The following EPHA6 variants were observed in gnomAD, a reference collection of about 807,000 sequenced individuals.
EPHA6 encodes the protein ephrin type-A receptor 6.
In EPHA6, 50 loss-of-function variants were observed where a neutral mutation model predicts 112.0. The ratio of observed to expected loss-of-function variants is 0.45; its 90% CI spans 0.36 to 0.56. The LOEUF is 0.56. Among genes scored for constraint, EPHA6 ranks in the 20% least tolerant of loss-of-function variants. The pLI, the probability that EPHA6 is intolerant of heterozygous loss-of-function variation, is 0.00. For synonymous variants in EPHA6, 529 were observed against 490.7 expected (o/e 1.08, Z -1.03); for missense variants, 1,280 against 1,417.4 (o/e 0.90, Z 1.56).
intron 3 of EPHA6, among the ~76,000 whole-genome samples, chr3:97,043,974 C>T (rs1425693455): frequency 6.6e-6 from 1 of 152,172 alleles, no homozygotes. Context: ...GCAGGGCACT[C>T]ATGGTTCTTC....
chr3:96,840,274 G>C (rs1189273917), intron 1 of EPHA6, among the ~76,000 whole-genome samples: 1 of 152,056 alleles, frequency 6.6e-6, no homozygotes, highest in African/African-American at 2.4e-5. Flanking sequence ...TCTGCCTTTT[G>C]TTGGCAAAAT....
chr3:96,858,322 A>G (rs1318321752), intron 1 of EPHA6, among the ~76,000 whole-genome samples: 2 of 152,118 alleles, frequency 1.3e-5, no homozygotes, highest in Non-Finnish European at 2.9e-5. Flanking sequence ...TTTAGGGTAG[A>G]GCAACACCCA....
intron 2 of EPHA6, among the ~76,000 whole-genome samples, chr3:96,948,656 G>A (rs139742626): frequency 7.2e-4 from 110 of 152,158 alleles, no homozygotes; most frequent in African/African-American, 2.5e-3. Context: ...CTATCTTCAG[G>A]TATGCCTCCT....
At chr3:97,052,833 A>G (rs913697712) in intron 3 of EPHA6, among the ~76,000 whole-genome samples, 3 of 152,090 alleles carry the variant, frequency 2.0e-5, no homozygotes, top group African/African-American at 7.2e-5. Context: ...CAAGCCTTAA[A>G]CATCCCAAGC....
chr3:97,662,546 C>T (rs2094176838), intron 14 of EPHA6, among the ~76,000 whole-genome samples: 1 of 152,172 alleles, frequency 6.6e-6, no homozygotes, highest in Non-Finnish European at 1.5e-5. Context: ...CAGCTCAATT[C>T]ATCTCTGACA....
intron 3 of EPHA6, among the ~76,000 whole-genome samples, chr3:97,187,593 AAAAAG>A (rs2077175235): frequency 1.3e-5 from 2 of 151,146 alleles, no homozygotes; most frequent in Admixed American, 6.6e-5. Context: ...AAAAAAAAAA[AAAAAG>A]AAAAGAGAAA....
At chr3:96,937,758 T>G (rs1459017543) in intron 2 of EPHA6, among the ~76,000 whole-genome samples, 1 of 152,182 alleles carries the variant, frequency 6.6e-6, no homozygotes, top group East Asian at 1.9e-4. Flanking sequence ...ATTGAAGTCT[T>G]TAATCCATCT....
intron 5 of EPHA6, among the ~76,000 whole-genome samples, chr3:97,247,335 C>CT (rs1398445583): frequency 6.6e-6 from 1 of 151,768 alleles, no homozygotes; most frequent in Non-Finnish European, 1.5e-5. Context: ...GATAGTGAGC[C>CT]TTTATGTACC....
intron 3 of EPHA6, among the ~76,000 whole-genome samples, chr3:97,008,303 T>C (rs61061355): frequency 0.013 from 1,994 of 152,226 alleles, 46 homozygotes; most frequent in African/African-American, 0.044. Flanking sequence ...TTGTTCATTA[T>C]TTTTCATTCT....
At chr3:97,160,562 G>A (rs544950721) in intron 3 of EPHA6, among the ~76,000 whole-genome samples, 3 of 152,178 alleles carry the variant, frequency 2.0e-5, no homozygotes, top group African/African-American at 7.2e-5. Flanking sequence ...TTACAGGCAT[G>A]AGCCCCCACA....
chr3:97,568,539 C>T (rs1294478948), intron 11 of EPHA6, among the ~76,000 whole-genome samples: 1 of 152,224 alleles, frequency 6.6e-6, no homozygotes, highest in Admixed American at 6.5e-5. Context: ...CCATCTACAG[C>T]TCTCAGAGAG....
rs150030456 is a variant in EPHA6, at chr3:97,500,580, G to A, written c.2200+16521G>A. ...ACATAACCCAATCATTTTCCATCAG[G>A]CCCGGCCTACAACACTGGGGATTAT... On this transcript the variant is annotated intron_variant, in intron 10 of 17. Transcript: ENST00000389672. Among the ~76,000 whole-genome samples the A allele has an allele frequency of 6.5e-3, 994 of 152,140 alleles. 12 individuals are homozygous for A. Among genetic ancestry groups the A allele is most frequent in the African/African-American group, 0.022 (915 of 41,504 alleles).
chr3:96,850,865 A>G (rs1264246732), intron 1 of EPHA6, among the ~76,000 whole-genome samples: 1 of 152,134 alleles, frequency 6.6e-6, no homozygotes, highest in Non-Finnish European at 1.5e-5. Flanking sequence ...GATTTTTGTA[A>G]GTAAAAGTGG....
chr3:97,433,641 C>A (rs1396923006), intron 6 of EPHA6, among the ~76,000 whole-genome samples: 1 of 152,078 alleles, frequency 6.6e-6, no homozygotes, highest in Middle Eastern at 3.2e-3. Flanking sequence ...GGAGGAAAAC[C>A]CTTTTCCATG....
intron 13 of EPHA6, among the ~76,000 whole-genome samples, chr3:97,628,891 G>T (rs1031743407): frequency 6.6e-6 from 1 of 151,846 alleles, no homozygotes; most frequent in Non-Finnish European, 1.5e-5. Flanking sequence ...TTTATATTCA[G>T]CAGTGGAAAA....
Position 97,566,018 on chromosome 3 carries a change from CA to C in EPHA6, c.2387-26577del, listed in dbSNP as rs59606297. Among the ~76,000 whole-genome samples, 508 of 81,692 alleles carry C rather than the reference CA, an allele frequency of 6.2e-3. 2 individuals carry two copies. Among genetic ancestry groups the C allele is most frequent in the Middle Eastern group, 0.016 (2 of 124 alleles). The allele number at this position is 81,692 out of a possible 152,430, so 53.6% of individuals were successfully genotyped here. ...CCGGCAACAGAGCGAGACACCGTCT[CA>C]AAAAAAAAAAAAAAAAGGAAAGAGA... On this transcript the variant is annotated intron_variant, in intron 11 of 17. Transcript: ENST00000389672.
At chr3:97,347,923 C>T (rs889525984) in intron 5 of EPHA6, among the ~76,000 whole-genome samples, 13 of 152,004 alleles carry the variant, frequency 8.6e-5, no homozygotes, top group African/African-American at 1.7e-4. Flanking sequence ...AGGTCACAAA[C>T]ATCTAGAGTT....
chr3:97,573,862 G>A (rs1451740568), intron 11 of EPHA6, among the ~76,000 whole-genome samples: 1 of 151,728 alleles, frequency 6.6e-6, no homozygotes, highest in Non-Finnish European at 1.5e-5. Flanking sequence ...GACAAATTTT[G>A]TATTGATTTA....
chr3:97,589,610 T>A (rs1043225172), intron 11 of EPHA6, among the ~76,000 whole-genome samples: 1 of 152,164 alleles, frequency 6.6e-6, no homozygotes, highest in African/African-American at 2.4e-5. Context: ...CTTTCCTCAG[T>A]CCTAATTTGC....
Sources: gnomAD v4.1 joint callset for allele counts (sites outside exome capture counted in the v4.1 genomes callset) on GRCh38, gnomAD v4.1.1 for gene constraint, MANE v1.5 for transcripts, NCBI Gene and HGNC (gene_info 2026-07-23, HGNC 2026-07-21) for gene names.